The following RRP12 variants were observed in gnomAD, a reference collection of about 807,000 sequenced individuals.
RRP12 encodes ribosomal RNA processing 12 homolog, also known as RRP12-like protein.
Under a neutral mutation model 157.3 loss-of-function variants are expected in RRP12, and 78 were observed. That is an observed-to-expected ratio of 0.50 (90% CI 0.41 to 0.60). The LOEUF (loss-of-function observed/expected upper bound fraction) is 0.60. Ranked by LOEUF, RRP12 falls within the 20% of genes least tolerant of loss-of-function variation. The pLI is 0.00. For missense variants in RRP12, 1,521 were observed against 1,679.9 expected (o/e 0.91, Z 1.65); for synonymous variants, 726 against 670.9 (o/e 1.08, Z -1.27).
chr10:97,381,271 A>C, intron 12 of RRP12, 115 bp downstream of exon 12: 1 of 758,834 alleles, frequency 1.3e-6, no homozygotes, highest in African/African-American at 1.8e-5. Flanking sequence ...CAATCCCGTA[A>C]AGCACTGCCA....
intron 24 of RRP12, among the ~76,000 whole-genome samples, 153 bp from the exon 25 acceptor site, chr10:97,369,735 G>C (rs531862128): frequency 6.6e-6 from 1 of 152,380 alleles, no homozygotes; most frequent in African/African-American, 2.4e-5. Flanking sequence ...GCTCCATGGA[G>C]TGGTCTTGGG....
Position 97,381,460 on chromosome 10 carries a change from A to G in RRP12, c.1344T>C (p.Ala448=). The change falls in exon 12 of 34, where the codon GCT becomes GCC. Residue 448 remains alanine, a synonymous_variant. Coordinates refer to ENST00000370992, the MANE Select transcript of RRP12 (RefSeq NM_015179.4). ...SLKEILKECV[A]PHMADIGSVT... is the part of the protein sequence containing the mutation. ...CGGAGCCAATGTCAGCCATGTGGGG[A>G]GCCACGCATTCCTTCAGGATCTCCT... 2 of 1,612,928 alleles carry G rather than the reference A, an allele frequency of 1.2e-6. No individual in the cohort carries two copies. Among genetic ancestry groups the G allele is most frequent in the Non-Finnish European group, 8.5e-7 (1 of 1,179,546 alleles).
intron 20 of RRP12, chr10:97,371,365 C>G (rs1844149648): frequency 4.3e-6 from 2 of 466,722 alleles, no homozygotes; most frequent in Non-Finnish European, 7.7e-6. Flanking sequence ...CGCGCCAAGG[C>G]CTGCACATCT....
Position 97,369,532 on chromosome 10 carries a change from G to A in RRP12, c.2848C>T (p.Leu950Phe). The A allele has an allele frequency of 1.9e-6, 3 of 1,591,168 alleles. No homozygotes were observed. The highest frequency in any genetic ancestry group is 2.3e-5 in the South Asian group (2 of 87,750). ...VEQLLENVCL[L>F]LASRTRDVVK... is the part of the protein sequence containing the mutation. ...ACGTCACGGGTGCGGGAGGCCAGAA[G>A]CAGGCACACATTCTCCAGCAGCTGC... Residue 950 changes from leucine (L) to phenylalanine (F), a missense_variant, in exon 25 of 34, where the codon CTT becomes TTT. Transcript: ENST00000370992.
intron 29 of RRP12, among the ~76,000 whole-genome samples, chr10:97,364,191 C>T (rs1843913434): frequency 6.6e-6 from 1 of 152,150 alleles, no homozygotes; most frequent in Non-Finnish European, 1.5e-5. Context: ...TTCCCACTCA[C>T]CCACCCTTCA....
At chr10:97,371,240 C>T (rs1448303466) in intron 20 of RRP12, 159 bp from the exon 21 acceptor site, 3 of 758,526 alleles carry the variant, frequency 4.0e-6, no homozygotes, top group East Asian at 5.4e-5. Flanking sequence ...GAGTGGCTAA[C>T]TCCTGGGCGA....
rs117084498 is a variant in RRP12 at position 97,397,360 on chromosome 10, C to T, written c.370-1059G>A. On this transcript the variant is annotated intron_variant, in intron 2 of 33. Transcript: ENST00000370992. ...TACTTTTAGTAGGGATGGAGTTTCACCATGCTGGCCAGGTTGGTTTTGAAC... is the reference window on the plus strand; with the variant it reads ...TACTTTTAGTAGGGATGGAGTTTCATCATGCTGGCCAGGTTGGTTTTGAAC... 7.6e-3 allele frequency among the ~76,000 whole-genome samples: 1,160 copies of T among 151,926 alleles called. 8 individuals are homozygous for T. The highest frequency in any genetic ancestry group is 0.012 in the Non-Finnish European group (843 of 67,960).
intron 15 of RRP12, 66 bp downstream of exon 15, chr10:97,379,227 C>A (rs1844393137): frequency 1.3e-6 from 2 of 1,577,984 alleles, no homozygotes; most frequent in Non-Finnish European, 1.7e-6. Context: ...CCTTCCCAAT[C>A]CCTTCTGTGG....
chr10:97,399,749 TA>T (rs113947828), intron 2 of RRP12, among the ~76,000 whole-genome samples: 3,119 of 113,758 alleles, frequency 0.027, 74 homozygotes, highest in Middle Eastern at 0.089. Context: ...TTAAATATAC[TA>T]AAAAAAAAAA....
At chr10:97,399,886 C>G (rs541234649) in intron 2 of RRP12, among the ~76,000 whole-genome samples, 1 of 152,234 alleles carries the variant, frequency 6.6e-6, no homozygotes, top group Admixed American at 6.5e-5. Context: ...CTACTGCACT[C>G]CAGCCTGGCC....
intron 25 of RRP12, among the ~76,000 whole-genome samples, chr10:97,367,810 C>T (rs1459405237): frequency 2.6e-5 from 4 of 152,216 alleles, no homozygotes; most frequent in African/African-American, 9.6e-5. Context: ...CAGCTCACTG[C>T]AACCTCCACC....
chr10:97,384,997 GA>G, intron 10 of RRP12, among the ~76,000 whole-genome samples, 168 bp downstream of exon 10: 1 of 71,812 alleles, frequency 1.4e-5, no homozygotes, highest in African/African-American at 6.5e-5. Context: ...AGGCCCTGAG[GA>G]ACCCCCACCT....
chr10:97,388,240 G>A lies in RRP12; in HGVS notation c.1017+12C>T, dbSNP rs1844693127. 8 of 1,613,650 alleles carry A rather than the reference G, an allele frequency of 5.0e-6. No individual in the cohort carries two copies. The highest frequency in any genetic ancestry group is 6.8e-6 in the Non-Finnish European group (8 of 1,180,000). On this transcript the variant is annotated intron_variant, in intron 8 of 33. Transcript: ENST00000370992. ...AGGTCCCCCTTTCTCCAGCTTTTGG[G>A]CCTGAGCTCACCACATGGCTCAAGG... is the stretch of plus-strand genomic sequence containing the variant.
intron 4 of RRP12, among the ~76,000 whole-genome samples, chr10:97,391,604 T>C (rs185745966): frequency 5.9e-4 from 89 of 150,392 alleles, no homozygotes; most frequent in Non-Finnish European, 3.0e-4. Context: ...AAATTTCTAA[T>C]TGTGGTAAAA....
rs200244533 is a variant in RRP12 at position 97,388,260 on chromosome 10, T to A, written c.1009A>T (p.Ser337Cys). ...TTTGGGCCTGAGCTCACCACATGGC[T>A]CAAGGTCATGACCCTGAGGAGAGTC... ...SETLLRVMTL[S>C]HVLVTACAMQ... Residue 337 changes from serine to cysteine, a missense_variant, in exon 8 of 34, where the codon AGC (serine) becomes TGC (cysteine). Transcript: ENST00000370992. The A allele has an allele frequency of 9.9e-6, 16 of 1,613,800 alleles. No homozygotes were observed. Among genetic ancestry groups the A allele is most frequent in the Non-Finnish European group, 1.2e-5 (14 of 1,180,018 alleles).
In RRP12 at chr10:97,358,586, G is replaced by A; in HGVS notation, c.3742C>T (p.Pro1248Ser). The A allele has an allele frequency of 6.2e-7, 1 of 1,613,946 alleles. No homozygotes were observed. The highest frequency in any genetic ancestry group is 8.5e-7 in the Non-Finnish European group (1 of 1,179,938). Residue 1248 changes from proline to serine, a missense_variant, in exon 33 of 34, where the codon CCG becomes TCG. Pro to Ser is a moderately conservative substitution (Grantham distance 74). Coordinates refer to ENST00000370992, the MANE Select transcript of RRP12 (RefSeq NM_015179.4). ...AGGGGGATGTAGGCATAGGGATCCGGCCGGCCTTTCTTCTTCACATCACCT... is the reference window on the plus strand; with the variant it reads ...AGGGGGATGTAGGCATAGGGATCCGACCGGCCTTTCTTCTTCACATCACCT... ...AKGDVKKKGR[P>S]DPYAYIPLNR...
Position 97,396,281 on chromosome 10 carries a change from A to T in RRP12, c.390T>A (p.Ala130=). Residue 130 remains alanine, a synonymous_variant, in exon 3 of 34, where the codon GCT becomes GCA. Transcript: ENST00000370992. ...AHKEICAVLA[A]VTEVIRSQGG... ...CCTGGGAGCGAATCACCTCAGTGAC[A>T]GCAGCCAGAACAGCACAGATCTGCA... 6.2e-7 allele frequency: 1 copy of T among 1,613,860 alleles called. No individual in the cohort carries two copies. The highest frequency in any genetic ancestry group is 2.2e-5 in the East Asian group (1 of 44,864).
rs1440974920 is a variant in RRP12 at position 97,360,622 on chromosome 10, TAG to T, written c.3568-6_3568-5del. 6.2e-7 allele frequency: 1 copy of T among 1,612,986 alleles called. No homozygotes were observed. Among genetic ancestry groups the T allele is most frequent in the African/African-American group, 1.3e-5 (1 of 74,958 alleles). ...GCTTGAGCTTCTGGTGCTTTTTCTA[TAG>T]AGAGAGAATAGGTGGGTAGTGAGTG... On this transcript the variant is annotated splice_polypyrimidine_tract_variant and splice_region_variant and intron_variant, in intron 30 of 33. Coordinates refer to ENST00000370992, the MANE Select transcript of RRP12 (RefSeq NM_015179.4).
At chr10:97,396,892 G>A (rs1433560851) in intron 2 of RRP12, among the ~76,000 whole-genome samples, 2 of 152,076 alleles carry the variant, frequency 1.3e-5, no homozygotes, top group Non-Finnish European at 2.9e-5. Context: ...AGCCTCCCAA[G>A]TAGCTGGGAT....
Sources: gnomAD v4.1 joint callset for allele counts (sites outside exome capture counted in the v4.1 genomes callset) on GRCh38, gnomAD v4.1.1 for gene constraint, MANE v1.5 for transcripts, NCBI Gene and HGNC (gene_info 2026-07-23, HGNC 2026-07-21) for gene names.